The following PYROXD1 variants were observed in gnomAD, a reference collection of about 807,000 sequenced individuals.
PYROXD1 encodes the protein tRNA ligase complex-associated NAD(P)H dehydrogenase PYROXD1.
In PYROXD1, 42 loss-of-function variants were observed where a neutral mutation model predicts 62.0. That is an observed-to-expected ratio of 0.68 (90% CI 0.53 to 0.88). The LOEUF is 0.88. Among genes scored for constraint, PYROXD1 ranks in the 40% least tolerant of loss-of-function variants. PYROXD1 has a pLI of 0.00. For missense variants in PYROXD1, 493 were observed against 604.8 expected (o/e 0.82, Z 1.94); for synonymous variants, 170 against 206.4 (o/e 0.82, Z 1.51).
At chr12:21,441,334 CTGT>C (rs1942290378) in intron 2 of PYROXD1, 1 of 152,156 alleles carries the variant, frequency 6.6e-6, no homozygotes, top group Non-Finnish European at 1.5e-5. Flanking sequence ...GGAAAGTTTT[CTGT>C]TGTTATTTCT....
At chr12:21,460,077 A>G (rs565013802) in intron 7 of PYROXD1, among the ~76,000 whole-genome samples, 62 of 152,292 alleles carry the variant, frequency 4.1e-4, no homozygotes, top group South Asian at 1.2e-3. Flanking sequence ...AAATGCTGTA[A>G]GAAGCATGCA....
Position 21,469,962 on chromosome 12 carries a change from G to T in PYROXD1, c.*1208G>T. ...ATTCTCAAATATTTTACATTTAAAG[G>T]GTTTTACATAAAAATTTTTCCCTTG... On this transcript the variant is annotated 3_prime_UTR_variant, in exon 12 of 12. Coordinates refer to ENST00000240651, the MANE Select transcript of PYROXD1 (RefSeq NM_024854.5). The T allele has an allele frequency of 4.6e-6, 2 of 438,370 alleles. No individual in the cohort carries two copies. The highest frequency in any genetic ancestry group is 4.7e-5 in the East Asian group (1 of 21,336). The allele number at this position is 438,370 out of a possible 1,614,324, so 27.2% of individuals were successfully genotyped here.
In PYROXD1 at chr12:21,470,028, T is replaced by G; in HGVS notation, c.*1274T>G. 1.3e-6 allele frequency: 1 copy of G among 772,016 alleles called. No homozygotes were observed. Among genetic ancestry groups the G allele is most frequent in the Non-Finnish European group, 1.9e-6 (1 of 527,194 alleles). 47.8% of individuals were successfully genotyped at this position (772,016 alleles called of 1,614,324 possible). ...TTATATAATTCATGATCTCTAATTT[T>G]CAAACATTCTCAAAAGTTTAGATCT... On this transcript the variant is annotated 3_prime_UTR_variant, in exon 12 of 12. Coordinates refer to ENST00000240651, the MANE Select transcript of PYROXD1 (RefSeq NM_024854.5).
At chr12:21,457,908 T>C (rs1439702414) in intron 7 of PYROXD1, among the ~76,000 whole-genome samples, 1 of 148,962 alleles carries the variant, frequency 6.7e-6, no homozygotes, top group Non-Finnish European at 1.5e-5. Flanking sequence ...TATAATGCTG[T>C]CATCCAGGCT....
In PYROXD1 at chr12:21,470,789, A is replaced by G; in HGVS notation, c.*2035A>G. On this transcript the variant is annotated 3_prime_UTR_variant, in exon 12 of 12. Coordinates refer to ENST00000240651, the MANE Select transcript of PYROXD1 (RefSeq NM_024854.5). ...AGTTTATGTTAAAAGGCCAGTCTAA[A>G]TTCTTTCACTTACATCTTTACAGAA... 1 of 426,092 alleles carries G rather than the reference A, an allele frequency of 2.3e-6. No homozygotes were observed. Among genetic ancestry groups the G allele is most frequent in the Non-Finnish European group, 3.9e-6 (1 of 256,764 alleles). The allele number at this position is 426,092 out of a possible 1,614,324, so 26.4% of individuals were successfully genotyped here.
In PYROXD1 at chr12:21,449,551, A is replaced by C; in HGVS notation, c.286-12A>C. On this transcript the variant is annotated splice_polypyrimidine_tract_variant and intron_variant, in intron 3 of 11. Transcript: ENST00000240651. ...TGTCTCCCTTTTCTTTCATTGTTTGATGTATTTACAGTGCATTGTAACAGA... is the reference window on the plus strand; with the variant it reads ...TGTCTCCCTTTTCTTTCATTGTTTGCTGTATTTACAGTGCATTGTAACAGA... 6.2e-7 allele frequency: 1 copy of C among 1,600,930 alleles called. No individual in the cohort carries two copies. The highest frequency in any genetic ancestry group is 1.1e-5 in the South Asian group (1 of 88,052).
chr12:21,463,646 C>T (rs1051684546), intron 10 of PYROXD1, among the ~76,000 whole-genome samples: 2 of 150,586 alleles, frequency 1.3e-5, no homozygotes, highest in Non-Finnish European at 1.5e-5. Context: ...GAGCTGAGAT[C>T]GCACCACTGC....
chr12:21,440,879 A>C (rs1173491847), intron 2 of PYROXD1, among the ~76,000 whole-genome samples: 2 of 152,050 alleles, frequency 1.3e-5, no homozygotes, highest in East Asian at 1.9e-4. Context: ...AAAGACGTTT[A>C]ATTTTGTTGA....
rs1273332927 is a variant in PYROXD1, at chr12:21,470,391, C to G, written c.*1637C>G. ...ACAAAGCAAGCACCTTGGTAAAAAT[C>G]CAGCTATTCAGTTTTCTCATGAGAT... On this transcript the variant is annotated 3_prime_UTR_variant, in exon 12 of 12. Coordinates refer to ENST00000240651, the MANE Select transcript of PYROXD1 (RefSeq NM_024854.5). The G allele has an allele frequency of 6.0e-6, 9 of 1,490,360 alleles. No individual in the cohort carries two copies. Among genetic ancestry groups the G allele is most frequent in the Admixed American group, 5.5e-5 (2 of 36,380 alleles). 92.3% of individuals were successfully genotyped at this position (1,490,360 alleles called of 1,614,324 possible).
chr12:21,467,267 G>T, intron 10 of PYROXD1: 1 of 444,804 alleles, frequency 2.2e-6, no homozygotes, highest in Non-Finnish European at 4.0e-6. Context: ...GGTGTGATTG[G>T]TATCATCTTT....
chr12:21,465,115 T>A (rs1464071965), intron 10 of PYROXD1, among the ~76,000 whole-genome samples: 2 of 152,336 alleles, frequency 1.3e-5, no homozygotes, highest in East Asian at 1.9e-4. Flanking sequence ...TTGTGAATAG[T>A]GCCGCTATAA....
chr12:21,470,655 A>G lies in PYROXD1; in HGVS notation c.*1901A>G. 1 of 313,958 alleles carries G rather than the reference A, an allele frequency of 3.2e-6. No individual in the cohort carries two copies. The highest frequency in any genetic ancestry group is 5.7e-6 in the Non-Finnish European group (1 of 173,964). The allele number at this position is 313,958 out of a possible 1,614,324, so 19.4% of individuals were successfully genotyped here. ...AGTGGTTTCTAACCACTGGAACAGC[A>G]GAAACAGACTTCTCAACTATTAGTA... On this transcript the variant is annotated 3_prime_UTR_variant, in exon 12 of 12. Coordinates refer to ENST00000240651, the MANE Select transcript of PYROXD1 (RefSeq NM_024854.5).
At chr12:21,438,673 T>C (rs988685006) in intron 1 of PYROXD1, 31 of 152,244 alleles carry the variant, frequency 2.0e-4, no homozygotes, top group African/African-American at 7.0e-4. Flanking sequence ...AGACCATATA[T>C]ATTCAGATAC....
At chr12:21,440,238 A>G in intron 1 of PYROXD1, 130 bp from the exon 2 acceptor site, 1 of 563,050 alleles carries the variant, frequency 1.8e-6, no homozygotes, top group Non-Finnish European at 3.1e-6. Context: ...CCTTTAGATG[A>G]GGAACAGTGG....
At chr12:21,440,475 T>A in intron 2 of PYROXD1, 27 bp downstream of exon 2, 1 of 1,306,064 alleles carries the variant, frequency 7.7e-7, no homozygotes, top group Non-Finnish European at 1.1e-6. Flanking sequence ...AACTTGTTAA[T>A]ATTAATTTGA....
chr12:21,456,880 C>A (rs147345136), intron 7 of PYROXD1: 247 of 455,314 alleles, frequency 5.4e-4, no homozygotes, highest in African/African-American at 4.3e-3. Context: ...CTCACAGCAT[C>A]CTCACCAGAA....
chr12:21,461,870 G>A (rs779380730), intron 8 of PYROXD1, 138 bp from the exon 9 acceptor site: 37 of 483,406 alleles, frequency 7.7e-5, no homozygotes, highest in Non-Finnish European at 7.0e-5. Context: ...CATAATAATT[G>A]CTAAGGAGTG....
At chr12:21,446,798 C>G (rs1942398269) in intron 3 of PYROXD1, among the ~76,000 whole-genome samples, 1 of 151,912 alleles carries the variant, frequency 6.6e-6, no homozygotes, top group Admixed American at 6.6e-5. Context: ...ACTTGTAGTC[C>G]CAGCTACTTT....
chr12:21,454,485 A>T (rs1198509881), intron 5 of PYROXD1, among the ~76,000 whole-genome samples: 1 of 151,984 alleles, frequency 6.6e-6, no homozygotes, highest in African/African-American at 2.4e-5. Flanking sequence ...TAGGAAAACC[A>T]CTTCTTAGCA....
Sources: gnomAD v4.1 joint callset for allele counts (sites outside exome capture counted in the v4.1 genomes callset) on GRCh38, gnomAD v4.1.1 for gene constraint, MANE v1.5 for transcripts, NCBI Gene and HGNC (gene_info 2026-07-23, HGNC 2026-07-21) for gene names.